Variants in SEC14L1 observed in about 807,000 individuals in gnomAD.
SEC14L1 encodes the protein SEC14-like protein 1.
SEC14L1 carries 48 observed loss-of-function variants against 85.3 expected under a neutral mutation model. That is an observed-to-expected ratio of 0.56 (90% CI 0.45 to 0.72). The LOEUF (loss-of-function observed/expected upper bound fraction) is 0.72, where lower values mean the gene tolerates loss of function less well. Ranked by LOEUF, SEC14L1 falls within the 30% of genes least tolerant of loss-of-function variation. The pLI is 0.00. For synonymous variants in SEC14L1, 391 were observed against 355.5 expected (o/e 1.10, Z -1.12); for missense variants, 682 against 921.4 (o/e 0.74, Z 3.36).
intron 8 of SEC14L1, among the ~76,000 whole-genome samples, chr17:77,198,545 T>G (rs1378381566): frequency 6.6e-6 from 1 of 152,148 alleles, no homozygotes; most frequent in Non-Finnish European, 1.5e-5. Context: ...CTGATGATGG[T>G]TCATGATCTG....
chr17:77,201,234 A>G (rs1192967435), intron 9 of SEC14L1, among the ~76,000 whole-genome samples: 2 of 152,096 alleles, frequency 1.3e-5, no homozygotes, highest in African/African-American at 4.8e-5. Flanking sequence ...CCTTGCAGGA[A>G]GACCTGCACT....
intron 3 of SEC14L1, among the ~76,000 whole-genome samples, chr17:77,124,104 C>T (rs1054532046): frequency 6.6e-6 from 1 of 152,098 alleles, no homozygotes; most frequent in Non-Finnish European, 1.5e-5. Flanking sequence ...TGGCTCACAC[C>T]TATTATCCTA....
chr17:77,100,281 T>G (rs763245879), intron 3 of SEC14L1, among the ~76,000 whole-genome samples: 10 of 152,228 alleles, frequency 6.6e-5, no homozygotes, highest in Admixed American at 1.3e-4. Context: ...CATCTGTACA[T>G]GCGGCATTCA....
rs1267293159 is a variant in SEC14L1 at position 77,179,593 on chromosome 17, G to A, written c.64-11210G>A. Among the ~76,000 whole-genome samples the A allele has an allele frequency of 2.0e-5, 3 of 152,282 alleles. No individual in the cohort carries two copies. The East Asian group carries it at 5.8e-4, about 29-fold the overall frequency. ...GTGTATCATCAGAACCATGGAGTTT[G>A]AGGTCTTCTAAGATGAAGTTCATAA... On this transcript the variant is annotated intron_variant, in intron 3 of 16. Transcript: ENST00000436233.
chr17:77,214,038 C>G lies in SEC14L1; in HGVS notation c.*15C>G. 6.2e-7 allele frequency: 1 copy of G among 1,610,066 alleles called. No individual in the cohort carries two copies. Among genetic ancestry groups the G allele is most frequent in the Non-Finnish European group, 8.5e-7 (1 of 1,178,852 alleles). ...TCTCCAGGTAGTGCCGCGCTGCCTG[C>G]ACCTAGTGTGCAGAGGGGACGGCCG... On this transcript the variant is annotated 3_prime_UTR_variant, in exon 17 of 17. Coordinates refer to ENST00000436233, the MANE Select transcript of SEC14L1 (RefSeq NM_001143998.2).
At chr17:77,193,928 A>C (rs552290506) in intron 6 of SEC14L1, among the ~76,000 whole-genome samples, 1 of 152,300 alleles carries the variant, frequency 6.6e-6, no homozygotes, top group African/African-American at 2.4e-5. Context: ...TCTTCCACAG[A>C]AGACCTTCCT....
chr17:77,122,632 A>T (rs929645594), intron 3 of SEC14L1, among the ~76,000 whole-genome samples: 1 of 152,228 alleles, frequency 6.6e-6, no homozygotes, highest in African/African-American at 2.4e-5. Context: ...GCATTTCTGC[A>T]TTAGACATAT....
chr17:77,172,799 G>C (rs1974573355), intron 3 of SEC14L1, among the ~76,000 whole-genome samples: 1 of 152,050 alleles, frequency 6.6e-6, no homozygotes, highest in African/African-American at 2.4e-5. Flanking sequence ...GAAAGCTTTG[G>C]GAATGTTTTG....
intron 6 of SEC14L1, among the ~76,000 whole-genome samples, chr17:77,194,373 T>G (rs958537683): frequency 6.6e-6 from 1 of 152,010 alleles, no homozygotes; most frequent in Non-Finnish European, 1.5e-5. Context: ...TGGACAACAT[T>G]GCGAAACCCC....
intron 3 of SEC14L1, among the ~76,000 whole-genome samples, chr17:77,126,956 C>CT (rs113666986): frequency 0.36 from 53,806 of 149,442 alleles, 9,830 homozygotes; most frequent in Middle Eastern, 0.4. Flanking sequence ...ACAGGGATTT[C>CT]TTTTTTTTCT....
intron 3 of SEC14L1, among the ~76,000 whole-genome samples, chr17:77,160,248 C>G (rs1973999990): frequency 6.6e-6 from 1 of 152,206 alleles, no homozygotes; most frequent in African/African-American, 2.4e-5. Flanking sequence ...AGCTGCAGTT[C>G]CCTAGAACAC....
chr17:77,149,353 C>A (rs1379557767), intron 3 of SEC14L1, among the ~76,000 whole-genome samples: 1 of 152,076 alleles, frequency 6.6e-6, no homozygotes, highest in African/African-American at 2.4e-5. Flanking sequence ...TTCACACGAA[C>A]TGTGAGGATG....
chr17:77,201,544 G>A (rs558270742), intron 9 of SEC14L1, among the ~76,000 whole-genome samples: 7 of 150,516 alleles, frequency 4.7e-5, no homozygotes, highest in African/African-American at 9.8e-5. Context: ...TCCACCTTCC[G>A]GGTTCAAGCA....
chr17:77,148,891 G>T (rs1973432329), intron 3 of SEC14L1, among the ~76,000 whole-genome samples: 1 of 152,202 alleles, frequency 6.6e-6, no homozygotes, highest in Admixed American at 6.5e-5. Context: ...TGTTCTGCCT[G>T]GTCCGTTTAA....
At chr17:77,166,793 C>T (rs1216032823) in intron 3 of SEC14L1, among the ~76,000 whole-genome samples, 4 of 152,018 alleles carry the variant, frequency 2.6e-5, no homozygotes, top group Non-Finnish European at 4.4e-5. Flanking sequence ...GAGTGAAGAT[C>T]GTGCCATTGC....
In SEC14L1 at chr17:77,132,683, C is replaced by T. The variant is rs76363230; in HGVS notation, c.-135-9963C>T. ...GCACAGCCTAGATAATTAGCTGGCC[C>T]TGACTCTCAGCATTGTTTAAAGGCA... On this transcript the variant is annotated intron_variant, in intron 3 of 19. Transcript: ENST00000392476. 4.0e-3 allele frequency among the ~76,000 whole-genome samples: 607 copies of T among 152,262 alleles called. 9 individuals carry two copies. The highest frequency in any genetic ancestry group is 0.014 in the African/African-American group (577 of 41,544).
intron 3 of SEC14L1, among the ~76,000 whole-genome samples, chr17:77,099,535 C>T (rs958479693): frequency 6.6e-6 from 1 of 152,188 alleles, no homozygotes; most frequent in Admixed American, 6.5e-5. Flanking sequence ...GCGGGTGGAT[C>T]ACTTTGAGGT....
intron 3 of SEC14L1, among the ~76,000 whole-genome samples, chr17:77,121,211 C>CT (rs1972286939): frequency 6.6e-6 from 1 of 152,160 alleles, no homozygotes; most frequent in South Asian, 2.1e-4. Context: ...TTGTCTGCAG[C>CT]TAAGAACATC....
rs551046155 is a variant in SEC14L1, at chr17:77,106,347, T to C, written c.-136+13000T>C. Among the ~76,000 whole-genome samples, 41 of 151,150 alleles carry C rather than the reference T, an allele frequency of 2.7e-4. 1 individual carries two copies. The highest frequency in any genetic ancestry group is 9.2e-4 in the African/African-American group (38 of 41,192). ...AGGAGTTTGAGACCAGCCTGGCCAA[T>C]ATGGTGAAACCCCGTCTCTACTAAA... On this transcript the variant is annotated intron_variant, in intron 3 of 19. Coordinates refer to the SEC14L1 transcript ENST00000392476.
Sources: gnomAD v4.1 joint callset for allele counts (sites outside exome capture counted in the v4.1 genomes callset) on GRCh38, gnomAD v4.1.1 for gene constraint, MANE v1.5 for transcripts, NCBI Gene and HGNC (gene_info 2026-07-23, HGNC 2026-07-21) for gene names.